HS6ST3: variants seen among roughly 807,000 people sequenced by gnomAD.
HS6ST3 encodes heparan-sulfate 6-O-sulfotransferase 3.
Under a neutral mutation model 36.7 loss-of-function variants are expected in HS6ST3, and 12 were observed. The observed-to-expected ratio is 0.33, with a 90% CI of 0.21 to 0.53. HS6ST3 has a LOEUF of 0.53. HS6ST3 is among the 20% of genes least tolerant of loss of function. The pLI is 0.95. For synonymous variants in HS6ST3, 240 were observed against 257.5 expected, an observed-to-expected ratio of 0.93 and a Z score of 0.65; for missense variants, 584 against 640.9, an observed-to-expected ratio of 0.91 and a Z score of 0.96.
At chr13:96,333,167 A>G (rs1032426722) in intron 1 of HS6ST3, among the ~76,000 whole-genome samples, 10 of 152,240 alleles carry the variant, frequency 6.6e-5, no homozygotes, top group African/African-American at 2.4e-4. Flanking sequence ...GACCACATCT[A>G]CTTAAAAAAG....
At chr13:96,831,965 A>AAAAAAAAAAAAC in intron 1 of HS6ST3, among the ~76,000 whole-genome samples, 1 of 146,696 alleles carries the variant, frequency 6.8e-6, no homozygotes, top group Non-Finnish European at 1.5e-5. Flanking sequence ...AAAAAAAAAA[A>AAAAAAAAAAAAC]AAAAAAAAAA....
intron 1 of HS6ST3, among the ~76,000 whole-genome samples, chr13:96,520,963 G>T (rs1040912105): frequency 6.6e-6 from 1 of 152,170 alleles, no homozygotes; most frequent in Non-Finnish European, 1.5e-5. Context: ...TGCCTATTCA[G>T]TATGATATTG....
chr13:96,688,242 T>TAATAATAATAATAATAAA (rs1169064993), intron 1 of HS6ST3, among the ~76,000 whole-genome samples: 7 of 129,092 alleles, frequency 5.4e-5, no homozygotes, highest in Non-Finnish European at 1.2e-4. Flanking sequence ...ATCATCATAA[T>TAATAATAATAATAATAAA]AAAAAGACTC....
At chr13:96,419,599 TGGC>T (rs982211541) in intron 1 of HS6ST3, among the ~76,000 whole-genome samples, 3 of 152,174 alleles carry the variant, frequency 2.0e-5, no homozygotes, top group Non-Finnish European at 4.4e-5. Flanking sequence ...ACAAACTGGG[TGGC>T]CTAAAACAAC....
At chr13:96,309,929 A>G (rs893519797) in intron 1 of HS6ST3, among the ~76,000 whole-genome samples, 1 of 152,142 alleles carries the variant, frequency 6.6e-6, no homozygotes, top group African/African-American at 2.4e-5. Flanking sequence ...ACTTAGGTAT[A>G]GTGGATATAT....
intron 1 of HS6ST3, among the ~76,000 whole-genome samples, chr13:96,361,534 C>T (rs1365164154): frequency 6.6e-6 from 1 of 152,194 alleles, no homozygotes; most frequent in Non-Finnish European, 1.5e-5. Flanking sequence ...ATCTGACAGA[C>T]TCAACTATTT....
chr13:96,238,245 C>T (rs2054543813), intron 1 of HS6ST3, among the ~76,000 whole-genome samples: 1 of 152,154 alleles, frequency 6.6e-6, no homozygotes. Flanking sequence ...TTCTATATAT[C>T]TCAAAACTGT....
At chr13:96,449,640 C>T (rs187999669) in intron 1 of HS6ST3, among the ~76,000 whole-genome samples, 67 of 152,192 alleles carry the variant, frequency 4.4e-4, no homozygotes, top group African/African-American at 1.4e-3. Flanking sequence ...TATGTATATA[C>T]GTGCATATGT....
chr13:96,240,087 C>T (rs1348042738), intron 1 of HS6ST3, among the ~76,000 whole-genome samples: 3 of 152,114 alleles, frequency 2.0e-5, no homozygotes, highest in Non-Finnish European at 2.9e-5. Context: ...GGTGAATATA[C>T]TGATAATAAA....
intron 1 of HS6ST3, among the ~76,000 whole-genome samples, chr13:96,720,582 G>T (rs1300593291): frequency 6.6e-6 from 1 of 152,076 alleles, no homozygotes; most frequent in African/African-American, 2.4e-5. Context: ...CAGCATATCT[G>T]GTTAGCTATA....
intron 1 of HS6ST3, among the ~76,000 whole-genome samples, chr13:96,237,580 A>G (rs923678951): frequency 1.3e-5 from 2 of 152,100 alleles, no homozygotes; most frequent in Non-Finnish European, 2.9e-5. Flanking sequence ...TTCCTCCCTT[A>G]TATCTGCTCC....
At chr13:96,750,199 T>C (rs1876663906) in intron 1 of HS6ST3, among the ~76,000 whole-genome samples, 1 of 152,232 alleles carries the variant, frequency 6.6e-6, no homozygotes, top group Non-Finnish European at 1.5e-5. Context: ...ATTGCCAGGC[T>C]GGCATTTGGT....
chr13:96,768,924 GACCCCA>G (rs1877188681), intron 1 of HS6ST3, among the ~76,000 whole-genome samples: 1 of 152,034 alleles, frequency 6.6e-6, no homozygotes, highest in African/African-American at 2.4e-5. Flanking sequence ...TCCTGGGCTA[GACCCCA>G]GAATGTAGCA....
intron 1 of HS6ST3, among the ~76,000 whole-genome samples, chr13:96,692,720 T>G (rs1406402370): frequency 6.6e-6 from 1 of 152,204 alleles, no homozygotes; most frequent in East Asian, 1.9e-4. Context: ...GGAATAGCTT[T>G]TATTGTTCAA....
intron 1 of HS6ST3, among the ~76,000 whole-genome samples, chr13:96,204,062 G>T (rs533606598): frequency 1.3e-5 from 2 of 152,172 alleles, no homozygotes; most frequent in South Asian, 2.1e-4. Flanking sequence ...ACTATTAAAA[G>T]ATTACTATTA....
At chr13:96,187,197 G>T (rs1300590986) in intron 1 of HS6ST3, among the ~76,000 whole-genome samples, 1 of 152,118 alleles carries the variant, frequency 6.6e-6, no homozygotes, top group African/African-American at 2.4e-5. Context: ...AAAACTTTTG[G>T]TACTTGTCTG....
chr13:96,769,773 T>C (rs7334178), intron 1 of HS6ST3, among the ~76,000 whole-genome samples: 12,850 of 142,208 alleles, frequency 0.09, 681 homozygotes, highest in African/African-American at 0.12. Context: ...TGTGTGTGTG[T>C]GCGCACATAT....
chr13:96,730,054 G>A (rs1876108912), intron 1 of HS6ST3, among the ~76,000 whole-genome samples: 1 of 152,102 alleles, frequency 6.6e-6, no homozygotes, highest in African/African-American at 2.4e-5. Flanking sequence ...TTTTCTGTAT[G>A]CATAACCTTC....
intron 1 of HS6ST3, among the ~76,000 whole-genome samples, chr13:96,615,893 G>A (rs963900676): frequency 2.0e-5 from 3 of 152,220 alleles, no homozygotes; most frequent in Non-Finnish European, 4.4e-5. Context: ...CTCCATGGAA[G>A]TGATCCACTT....
Sources: allele counts gnomAD v4.1 joint callset (sites outside exome capture counted in the v4.1 genomes callset), GRCh38; gene constraint gnomAD v4.1.1; transcripts MANE v1.5; gene names NCBI Gene and HGNC (gene_info 2026-07-23, HGNC 2026-07-21).